Variants in CYRIB observed in about 807,000 individuals in gnomAD.
The protein encoded by CYRIB is CYFIP related Rac1 interactor B, also known as CYFIP-related Rac1 interactor B.
In CYRIB, 8 loss-of-function variants were observed where a neutral mutation model predicts 44.2. The observed-to-expected ratio is 0.18, with a 90% CI of 0.11 to 0.33. The LOEUF (loss-of-function observed/expected upper bound fraction) is 0.33. Among genes scored for constraint, CYRIB ranks in the 10% least tolerant of loss-of-function variants. CYRIB has a pLI of 1.00. For synonymous variants in CYRIB, 131 were observed against 127.2 expected (o/e 1.03, Z -0.20); for missense variants, 185 against 382.8 (o/e 0.48, Z 4.31).
chr8:129,881,659 T>C (rs2060851131), intron 2 of CYRIB, among the ~76,000 whole-genome samples: 1 of 152,234 alleles, frequency 6.6e-6, no homozygotes, highest in South Asian at 2.1e-4. Flanking sequence ...TGGTAAGTAC[T>C]GAATGGTTCT....
chr8:129,862,101 C>T (rs2050064174), intron 5 of CYRIB, 128 bp downstream of exon 7: 1 of 647,946 alleles, frequency 1.5e-6, no homozygotes, highest in Non-Finnish European at 2.7e-6. Flanking sequence ...GTCTAACAAG[C>T]TTGCTTTACT....
At position 129,919,869 on chromosome 8, in the gene CYRIB, T is replaced by G. The variant is rs1346346401; in HGVS notation, c.-49-16519A>C. ...GAAAAAGGCTTTATTAAACTGAGAC[T>G]GAGACAACTCCAAGAATTCAGAAGA... On this transcript the variant is annotated intron_variant, in intron 1 of 11. Coordinates refer to ENST00000519824, the Ensembl canonical transcript of CYRIB. Among the ~76,000 whole-genome samples, 4 of 152,144 alleles carry G rather than the reference T, an allele frequency of 2.6e-5. No homozygotes were observed. The East Asian group carries it at 7.7e-4, about 29-fold the overall frequency.
intron 1 of CYRIB, among the ~76,000 whole-genome samples, chr8:129,918,501 C>A (rs1046073383): frequency 6.6e-6 from 1 of 152,204 alleles, no homozygotes; most frequent in Non-Finnish European, 1.5e-5. Flanking sequence ...CATAATAATT[C>A]TGTCAACACC....
rs571570737 is a variant in CYRIB at position 129,929,231 on chromosome 8, TGAGA to T, written c.-50+10373_-50+10376del. On this transcript the variant is annotated intron_variant, in intron 1 of 11. Coordinates refer to ENST00000519824, the Ensembl canonical transcript of CYRIB. ...CCAGGAAAGAATAATCAAGCAAAAG[TGAGA>T]GAGTGAGGGAGAGAGTGTGAGAAGG... Among the ~76,000 whole-genome samples, 70 of 149,872 alleles carry T rather than the reference TGAGA, an allele frequency of 4.7e-4. No individual in the cohort carries two copies. The South Asian group carries it at 0.01, about 22-fold the overall frequency.
chr8:129,875,041 T>C (rs1183009349), intron 3 of CYRIB, among the ~76,000 whole-genome samples: 3 of 152,204 alleles, frequency 2.0e-5, no homozygotes, highest in Admixed American at 2.0e-4. Context: ...GTTTAAAAAA[T>C]ACTTACTGAA....
intron 1 of CYRIB, among the ~76,000 whole-genome samples, chr8:130,001,203 A>T (rs1006823028): frequency 3.9e-5 from 6 of 152,112 alleles, no homozygotes; most frequent in African/African-American, 1.4e-4. Flanking sequence ...AGGCAGATCC[A>T]TCCTTTTCTT....
chr8:129,911,076 A>C (rs1224263101), intron 1 of CYRIB, among the ~76,000 whole-genome samples: 3 of 152,186 alleles, frequency 2.0e-5, no homozygotes, highest in Non-Finnish European at 4.4e-5. Context: ...TAACTATCAA[A>C]TCTGAACTTC....
intron 1 of CYRIB, among the ~76,000 whole-genome samples, chr8:129,937,926 A>G (rs2093098808): frequency 6.6e-6 from 1 of 152,096 alleles, no homozygotes; most frequent in African/African-American, 2.4e-5. Context: ...AAATCTTACT[A>G]CTGAAGTGGT....
intron 1 of CYRIB, among the ~76,000 whole-genome samples, chr8:129,987,186 G>C (rs371325194): frequency 6.6e-6 from 1 of 152,202 alleles, no homozygotes; most frequent in Non-Finnish European, 1.5e-5. Flanking sequence ...GCAGGGCCAC[G>C]ACACAGGAGA....
chr8:129,917,263 T>C (rs2081221693), intron 1 of CYRIB, among the ~76,000 whole-genome samples: 1 of 152,190 alleles, frequency 6.6e-6, no homozygotes, highest in African/African-American at 2.4e-5. Flanking sequence ...CATTCTTACC[T>C]GTACTGTAAG....
At chr8:130,010,986 C>A (rs1166480863) in intron 1 of CYRIB, among the ~76,000 whole-genome samples, 8 of 152,312 alleles carry the variant, frequency 5.3e-5, no homozygotes, top group Admixed American at 2.0e-4. Flanking sequence ...TTGGAAAGTT[C>A]TCTTCCAACT....
chr8:129,876,654 TCATTTGTATATAATATGATA>T (rs1212829454), intron 3 of CYRIB, among the ~76,000 whole-genome samples: 3 of 152,236 alleles, frequency 2.0e-5, no homozygotes, highest in African/African-American at 7.2e-5. Flanking sequence ...CTAGAGTATG[TCATTTGTATATAATATGATA>T]CAAATAGCGA....
chr8:129,975,101 G>A (rs1325712061), intron 1 of CYRIB, among the ~76,000 whole-genome samples: 1 of 152,040 alleles, frequency 6.6e-6, no homozygotes, highest in Non-Finnish European at 1.5e-5. Flanking sequence ...GGCTGGTCTC[G>A]AACGCCTGAC....
At chr8:129,887,708 T>C (rs1375089392) in intron 2 of CYRIB, among the ~76,000 whole-genome samples, 3 of 152,180 alleles carry the variant, frequency 2.0e-5, no homozygotes, top group Admixed American at 2.0e-4. Flanking sequence ...GGCCTGGATA[T>C]GAGACACGGA....
intron 1 of CYRIB, among the ~76,000 whole-genome samples, chr8:130,005,515 G>A (rs1592302701): frequency 2.0e-5 from 3 of 152,214 alleles, no homozygotes; most frequent in Admixed American, 6.5e-5. Context: ...ACCTCTCTGG[G>A]CTTCCATTGC....
intron 1 of CYRIB, among the ~76,000 whole-genome samples, chr8:129,938,753 A>ATTT (rs1470986502): frequency 6.6e-6 from 1 of 152,156 alleles, no homozygotes; most frequent in Admixed American, 6.5e-5. Flanking sequence ...AAGAATACTA[A>ATTT]TTTTCTGCCA....
intron 4 of CYRIB, among the ~76,000 whole-genome samples, chr8:129,869,241 C>T (rs1402567392): frequency 6.6e-6 from 1 of 151,414 alleles, no homozygotes; most frequent in African/African-American, 2.4e-5. Context: ...CAAAAATTAG[C>T]TGGGCATGGT....
At chr8:129,855,440 G>C (rs1587376251) in intron 6 of CYRIB, 171 bp downstream of exon 8, 2 of 602,180 alleles carry the variant, frequency 3.3e-6, no homozygotes, top group Admixed American at 3.2e-5. Flanking sequence ...TTTGCTCTTT[G>C]CCATGTATCA....
chr8:129,981,321 T>C (rs558228183), intron 1 of CYRIB, among the ~76,000 whole-genome samples: 10 of 152,142 alleles, frequency 6.6e-5, no homozygotes, highest in African/African-American at 1.9e-4. Context: ...TGTTTGTTGG[T>C]TGGTTGGTTG....
Sources: gnomAD v4.1 joint callset for allele counts (sites outside exome capture counted in the v4.1 genomes callset) on GRCh38, gnomAD v4.1.1 for gene constraint, MANE v1.5 for transcripts, NCBI Gene and HGNC (gene_info 2026-07-23, HGNC 2026-07-21) for gene names.